The following DNAJB5 variants were observed in gnomAD, a reference collection of about 807,000 sequenced individuals.
DNAJB5 encodes dnaJ homolog subfamily B member 5.
A neutral mutation model predicts 32.6 loss-of-function variants in DNAJB5; 12 were observed. That is an observed-to-expected ratio of 0.37 (90% CI 0.24 to 0.60). The LOEUF (loss-of-function observed/expected upper bound fraction) is 0.60, where lower values mean the gene tolerates loss of function less well. Ranked by LOEUF, DNAJB5 falls within the 20% of genes least tolerant of loss-of-function variation. DNAJB5 has a pLI of 0.71. For missense variants in DNAJB5, 358 were observed against 554.2 expected (o/e 0.65, Z 3.55); for synonymous variants, 188 against 212.9 (o/e 0.88, Z 1.02).
intron 2 of DNAJB5, chr9:34,992,686 T>G (rs1277183698): frequency 1.5e-6 from 1 of 682,394 alleles, no homozygotes; most frequent in Non-Finnish European, 1.8e-6. Context: ...CCTGACTCAG[T>G]CTGGCTGGCC....
At chr9:34,989,946 A>C (rs1401325883) in intron 1 of DNAJB5, 115 bp downstream of exon 1, 49 of 1,053,604 alleles carry the variant, frequency 4.7e-5, no homozygotes, top group Non-Finnish European at 5.6e-5. Flanking sequence ...TGCCTTGGGG[A>C]TGCGGGGCCC....
In DNAJB5 at chr9:34,990,151, C is replaced by CGAGCCCCCTCCCCTCCT. The variant is rs1827582008; in HGVS notation, c.-133+321_-132-331dup. 1.3e-6 allele frequency: 1 copy of CGAGCCCCCTCCCCTCCT among 794,186 alleles called. No individual in the cohort carries two copies. The highest frequency in any genetic ancestry group is 1.9e-6 in the Non-Finnish European group (1 of 539,878). The allele number at this position is 794,186 out of a possible 1,614,324, so 49.2% of individuals were successfully genotyped here. ...ACATCACCGACCACCCTCCCCCGCCCGAGCCCCCTCCCCTCCTCTCCTCGC... is the reference window on the plus strand; with the variant it reads ...ACATCACCGACCACCCTCCCCCGCCCGAGCCCCCTCCCCTCCTGAGCCCCCTCCCCTCCTCTCCTCGC... On this transcript the variant is annotated intron_variant, in intron 1 of 4. Transcript: ENST00000682809. The surrounding 1 kb of genome is among the most constrained non-coding windows in gnomAD (Gnocchi z 4.5).
chr9:34,995,380 T>A (rs1268956267), intron 3 of DNAJB5, among the ~76,000 whole-genome samples: 1 of 152,110 alleles, frequency 6.6e-6, no homozygotes, highest in Non-Finnish European at 1.5e-5. Flanking sequence ...CACCCCCTCC[T>A]GTGCATGAAG....
At position 34,990,463 on chromosome 9, in the gene DNAJB5, G is replaced by T; in HGVS notation, c.-132-36G>T. ...CTGCACCTGAGAGCAGGTGGCCGCG[G>T]GTCTTCTCCCTTCACTCTCCACATT... On this transcript the variant is annotated intron_variant, in intron 1 of 4. Coordinates refer to ENST00000682809, the MANE Select transcript of DNAJB5 (RefSeq NM_001349723.3). This position sits in a 1 kb window ranked among gnomAD's most constrained non-coding sequence, Gnocchi z 4.5. 1 of 1,535,210 alleles carries T rather than the reference G, an allele frequency of 6.5e-7. No homozygotes were observed. The highest frequency in any genetic ancestry group is 8.7e-7 in the Non-Finnish European group (1 of 1,146,336).
At chr9:34,991,617 C>CA (rs369536483) in intron 2 of DNAJB5, 6 of 216,666 alleles carry the variant, frequency 2.8e-5, no homozygotes, top group Non-Finnish European at 4.9e-5. Flanking sequence ...GGCAGACCAC[C>CA]CCCCCCCGCT....
chr9:34,994,747 C>T (rs1240023890), intron 3 of DNAJB5, among the ~76,000 whole-genome samples: 5 of 152,194 alleles, frequency 3.3e-5, no homozygotes, highest in Admixed American at 2.6e-4. Context: ...TGATGCAGAA[C>T]CCCATCCCAG....
Position 34,993,739 on chromosome 9 carries a change from C to T in DNAJB5, c.427+295C>T, listed in dbSNP as rs1014067110. ...TCCTTCCCAGCCTTATTAGTCCTGC[C>T]TGAAGTCTCCGCTGCTTCATTGGCT... is the stretch of plus-strand genomic sequence containing the variant. On this transcript the variant is annotated intron_variant, in intron 3 of 4. Coordinates refer to ENST00000682809, the MANE Select transcript of DNAJB5 (RefSeq NM_001349723.3). The surrounding 1 kb of genome is among the most constrained non-coding windows in gnomAD (Gnocchi z 4.7). Among the ~76,000 whole-genome samples the T allele has an allele frequency of 3.3e-5, 5 of 152,210 alleles. No individual in the cohort carries two copies. The highest frequency in any genetic ancestry group is 1.2e-4 in the African/African-American group (5 of 41,436).
At chr9:34,992,002 C>T (rs1407857449) in intron 2 of DNAJB5, 2 of 152,956 alleles carry the variant, frequency 1.3e-5, no homozygotes, top group African/African-American at 2.4e-5. Flanking sequence ...AGGCAGGTCT[C>T]AGCTGTGGCT....
chr9:34,996,241 C>T lies in DNAJB5; in HGVS notation c.428-24C>T. 1 of 1,598,882 alleles carries T rather than the reference C, an allele frequency of 6.3e-7. No homozygotes were observed. Among genetic ancestry groups the T allele is most frequent in the Non-Finnish European group, 8.5e-7 (1 of 1,171,546 alleles). ...ATTGGGGCCAGAATAAGCCACACTG[C>T]CCCTAACTTCTCCTCCCCTCTAGGC... On this transcript the variant is annotated intron_variant, in intron 3 of 4. Coordinates refer to ENST00000682809, the MANE Select transcript of DNAJB5 (RefSeq NM_001349723.3). This position sits in a 1 kb window ranked among gnomAD's most constrained non-coding sequence, Gnocchi z 7.2.
Position 34,996,150 on chromosome 9 carries a change from T to C in DNAJB5, c.428-115T>C. ...TATTAGCCTGGCCCTCTCTGTGGGA[T>C]TTAAAGGTTGCTTCTTTCTTTAAGC... is the stretch of plus-strand genomic sequence containing the variant. On this transcript the variant is annotated intron_variant, in intron 3 of 4. Coordinates refer to ENST00000682809, the MANE Select transcript of DNAJB5 (RefSeq NM_001349723.3). This position sits in a 1 kb window ranked among gnomAD's most constrained non-coding sequence, Gnocchi z 7.2. 7.2e-7 allele frequency: 1 copy of C among 1,395,892 alleles called. No individual in the cohort carries two copies. Among genetic ancestry groups the C allele is most frequent in the Non-Finnish European group, 9.6e-7 (1 of 1,047,104 alleles). 86.5% of individuals were successfully genotyped at this position (1,395,892 alleles called of 1,614,324 possible). A position where few individuals can be genotyped will look rare whatever the true frequency, so the allele number is the denominator to read the frequency against.
Position 34,997,778 on chromosome 9 carries a change from T to C in DNAJB5, c.*519T>C, listed in dbSNP as rs2132987504. 4.6e-6 allele frequency: 1 copy of C among 219,770 alleles called. No homozygotes were observed. The highest frequency in any genetic ancestry group is 9.3e-6 in the Non-Finnish European group (1 of 107,692). The allele number at this position is 219,770 out of a possible 1,614,324, so 13.6% of individuals were successfully genotyped here. A position where few individuals can be genotyped will look rare whatever the true frequency, so the allele number is the denominator to read the frequency against. On this transcript the variant is annotated 3_prime_UTR_variant, in exon 5 of 5. Transcript: ENST00000682809. The surrounding 1 kb of genome is among the most constrained non-coding windows in gnomAD (Gnocchi z 4.1). ...GCACTCACCTAGAGCTGTCTGTGCC[T>C]CTCTGGGAGAAAGGAGAGAGGATAA... is the stretch of plus-strand genomic sequence containing the variant.
chr9:34,996,367 C>A lies in DNAJB5; in HGVS notation c.530C>A (p.Ser177Tyr). The A allele has an allele frequency of 6.2e-7, 1 of 1,614,162 alleles. No homozygotes were observed. The highest frequency in any genetic ancestry group is 8.5e-7 in the Non-Finnish European group (1 of 1,180,036). ...ACCTTTGCCTCCTTCTTTGGTGGCTCCAACCCCTTCGATATCTTCTTTGCC... is the reference window on the plus strand; with the variant it reads ...ACCTTTGCCTCCTTCTTTGGTGGCTACAACCCCTTCGATATCTTCTTTGCC... ...HATFASFFGG[S>Y]NPFDIFFASS... Residue 177 changes from serine to tyrosine, a missense_variant, in exon 4 of 5, where the codon TCC becomes TAC. Transcript: ENST00000682809. This position sits in a 1 kb window ranked among gnomAD's most constrained non-coding sequence, Gnocchi z 7.2.
At position 34,993,469 on chromosome 9, in the gene DNAJB5, A is replaced by G. The variant is rs371443102; in HGVS notation, c.427+25A>G. ...GGTAAGAGGGCAGCACTCCAGCCCA[A>G]TCCCGGACCCCTCCGCTTGGTAGGG... On this transcript the variant is annotated intron_variant, in intron 3 of 4. Coordinates refer to ENST00000682809, the MANE Select transcript of DNAJB5 (RefSeq NM_001349723.3). The surrounding 1 kb of genome is among the most constrained non-coding windows in gnomAD (Gnocchi z 4.7). The G allele has an allele frequency of 5.0e-6, 8 of 1,594,024 alleles. No homozygotes were observed. The African/African-American group carries it at 1.1e-4, about 22-fold the overall frequency.
Position 34,990,103 on chromosome 9 carries a change from A to T in DNAJB5, c.-133+272A>T. On this transcript the variant is annotated intron_variant, in intron 1 of 4. Coordinates refer to ENST00000682809, the MANE Select transcript of DNAJB5 (RefSeq NM_001349723.3). The surrounding 1 kb of genome is among the most constrained non-coding windows in gnomAD (Gnocchi z 4.5). ...CTGTGGGGCGGAGGCATCTGTGAGC[A>T]GACCAGCCAGCCAGCGCGGGTGACA... 1 of 757,172 alleles carries T rather than the reference A, an allele frequency of 1.3e-6. No homozygotes were observed. Among genetic ancestry groups the T allele is most frequent in the Non-Finnish European group, 2.0e-6 (1 of 490,440 alleles). The allele number at this position is 757,172 out of a possible 1,614,324, so 46.9% of individuals were successfully genotyped here. A position where few individuals can be genotyped will look rare whatever the true frequency, so the allele number is the denominator to read the frequency against.
At chr9:34,994,646 C>T (rs142598693) in intron 3 of DNAJB5, among the ~76,000 whole-genome samples, 1 of 152,316 alleles carries the variant, frequency 6.6e-6, no homozygotes, top group Admixed American at 6.5e-5. Flanking sequence ...TTCAGCCTCA[C>T]CTTTGTTTAG....
rs559355557 is a variant in DNAJB5 at position 34,990,619 on chromosome 9, G to C, written c.-12G>C. 1 of 1,551,498 alleles carries C rather than the reference G, an allele frequency of 6.4e-7. No individual in the cohort carries two copies. The highest frequency in any genetic ancestry group is 1.2e-5 in the South Asian group (1 of 84,054). ...CCGGTGGAGCGATCAGAGGTGAGGG[G>C]CTTGGCTGGGCATGTTTAAGCGCAC... On this transcript the variant is annotated 5_prime_UTR_variant, in exon 2 of 5. Transcript: ENST00000682809. This position sits in a 1 kb window ranked among gnomAD's most constrained non-coding sequence, Gnocchi z 4.5.
At chr9:34,998,443 G>A (rs1471128160), downstream of DNAJB5, 2 of 152,326 alleles carry the variant, frequency 1.3e-5, no homozygotes, top group Non-Finnish European at 2.9e-5. Flanking sequence ...ATCTGAGCAG[G>A]AGCAACAAAC....
intron 3 of DNAJB5, among the ~76,000 whole-genome samples, chr9:34,995,652 A>G (rs1827770198): frequency 6.6e-6 from 1 of 152,244 alleles, no homozygotes; most frequent in Non-Finnish European, 1.5e-5. Context: ...TTCTAGAAAA[A>G]TAGCTCTTCA....
Position 34,990,546 on chromosome 9 carries a change from G to C in DNAJB5, c.-85G>C, listed in dbSNP as rs1827596630. 7 of 1,548,568 alleles carry C rather than the reference G, an allele frequency of 4.5e-6. No homozygotes were observed. Among genetic ancestry groups the C allele is most frequent in the Non-Finnish European group, 6.1e-6 (7 of 1,146,844 alleles). On this transcript the variant is annotated 5_prime_UTR_variant, in exon 2 of 5. Transcript: ENST00000682809. The surrounding 1 kb of genome is among the most constrained non-coding windows in gnomAD (Gnocchi z 4.5). ...CAGGCCTTGCTGGGCACGCGCCTCT[G>C]AGAGTCCAAGGAGGTGGCTTCCAGA...
Sources: gnomAD v4.1 joint callset for allele counts (sites outside exome capture counted in the v4.1 genomes callset) on GRCh38, gnomAD v4.1.1 for gene constraint, Gnocchi (gnomAD v3.1) non-coding constraint, MANE v1.5 for transcripts, NCBI Gene and HGNC (gene_info 2026-07-23, HGNC 2026-07-21) for gene names.